Variants in MAML3 observed in about 807,000 individuals in gnomAD.
MAML3 encodes the protein mastermind like transcriptional coactivator 3, also known as mastermind-like protein 3.
In MAML3, 27 loss-of-function variants were observed where a neutral mutation model predicts 101.9. That is an observed-to-expected ratio of 0.27 (90% CI 0.20 to 0.37). The LOEUF is 0.37. Ranked by LOEUF, MAML3 falls within the 10% of genes least tolerant of loss-of-function variation. The probability of loss-of-function intolerance (pLI) is 1.00; values close to 1 mark genes in which losing one functional copy is unlikely to be tolerated. For synonymous variants in MAML3, 501 were observed against 555.9 expected (o/e 0.90, Z 1.39); for missense variants, 1,316 against 1,444.9 (o/e 0.91, Z 1.45).
chr4:139,770,518 A>G (rs540517117), intron 2 of MAML3, among the ~76,000 whole-genome samples: 10 of 152,292 alleles, frequency 6.6e-5, no homozygotes, highest in African/African-American at 2.2e-4. Context: ...GAGTTGGTGG[A>G]TAGGGAGGAG....
chr4:139,727,624 A>G (rs1728528052), intron 3 of MAML3, among the ~76,000 whole-genome samples: 1 of 152,212 alleles, frequency 6.6e-6, no homozygotes, highest in Non-Finnish European at 1.5e-5. Flanking sequence ...GAATGTTTCT[A>G]AGTTCTGTCT....
At position 139,719,551 on chromosome 4, in the gene MAML3, C is replaced by T; in HGVS notation, c.3189G>A (p.Gln1063=). Residue 1063 remains glutamine, a synonymous_variant, in exon 5 of 5, where the codon CAG becomes CAA. Transcript: ENST00000509479. ...TGGGTATCTGCTGCTGTGCTGGGGGCTGGCTGAACGCTGGCATGCCTGGGA... is the reference window on the plus strand; with the variant it reads ...TGGGTATCTGCTGCTGTGCTGGGGGTTGGCTGAACGCTGGCATGCCTGGGA... ...QGVPGMPAFS[Q]PPAQQQIPSG... is the part of the protein sequence containing the mutation. 1 of 1,613,748 alleles carries T rather than the reference C, an allele frequency of 6.2e-7. No individual in the cohort carries two copies. The highest frequency in any genetic ancestry group is 1.1e-5 in the South Asian group (1 of 91,050).
At chr4:139,918,492 G>A (rs1181578726) in intron 1 of MAML3, among the ~76,000 whole-genome samples, 1 of 152,178 alleles carries the variant, frequency 6.6e-6, no homozygotes, top group Non-Finnish European at 1.5e-5. Flanking sequence ...TCCCCAGAAA[G>A]GCTGTTCTGA....
At chr4:139,805,148 C>T (rs1175321142) in intron 2 of MAML3, among the ~76,000 whole-genome samples, 1 of 152,158 alleles carries the variant, frequency 6.6e-6, no homozygotes, top group Non-Finnish European at 1.5e-5. Context: ...GTAGTCATTG[C>T]TCCCCAGCCT....
intron 1 of MAML3, among the ~76,000 whole-genome samples, chr4:140,053,201 T>C (rs1201426911): frequency 6.6e-6 from 1 of 151,976 alleles, no homozygotes; most frequent in Non-Finnish European, 1.5e-5. Flanking sequence ...GGATAGGCTG[T>C]TTGGAAACTT....
At chr4:139,840,990 A>C (rs1045000247) in intron 2 of MAML3, among the ~76,000 whole-genome samples, 1 of 152,222 alleles carries the variant, frequency 6.6e-6, no homozygotes, top group African/African-American at 2.4e-5. Context: ...GGTCACAGTG[A>C]TTGCAAAATG....
chr4:139,879,663 A>G (rs1732181585), intron 2 of MAML3, among the ~76,000 whole-genome samples: 1 of 151,742 alleles, frequency 6.6e-6, no homozygotes, highest in African/African-American at 2.4e-5. Flanking sequence ...GTTCATTAAA[A>G]TGCACATTCC....
At position 139,733,599 on chromosome 4, in the gene MAML3, G is replaced by A. The variant is rs74510653; in HGVS notation, c.2080-2932C>T. Among the ~76,000 whole-genome samples the A allele has an allele frequency of 9.1e-4, 136 of 149,802 alleles. 1 individual carries two copies. In the East Asian group the frequency reaches 0.024, roughly 27 times the overall value. Reference sequence around the variant, plus strand: ...AACCCTCCCAAAGGGATAGGATTATGTATTTCCCCAAATAATTCCCTCCCA... The same window carrying A: ...AACCCTCCCAAAGGGATAGGATTATATATTTCCCCAAATAATTCCCTCCCA... On this transcript the variant is annotated intron_variant, in intron 2 of 4. Transcript: ENST00000509479.
chr4:140,019,406 C>T (rs1726697850), intron 1 of MAML3, among the ~76,000 whole-genome samples: 1 of 152,182 alleles, frequency 6.6e-6, no homozygotes, highest in South Asian at 2.1e-4. Flanking sequence ...GTTTTGTTCA[C>T]TATTTATCCC....
At chr4:139,994,488 G>T in intron 1 of MAML3, among the ~76,000 whole-genome samples, 1 of 152,116 alleles carries the variant, frequency 6.6e-6, no homozygotes, top group Middle Eastern at 3.2e-3. Flanking sequence ...AACATAGCAA[G>T]ACTCCATCTC....
At chr4:140,092,076 GTATATATATACGTATA>G (rs1200802256) in intron 1 of MAML3, among the ~76,000 whole-genome samples, 967 of 64,032 alleles carry the variant, frequency 0.015, 11 homozygotes, top group Non-Finnish European at 0.033. Flanking sequence ...ATATATATAC[GTATATATATACGTATA>G]TATATATATA....
intron 2 of MAML3, among the ~76,000 whole-genome samples, chr4:139,885,667 T>C (rs1323942299): frequency 6.6e-6 from 1 of 150,556 alleles, no homozygotes; most frequent in Non-Finnish European, 1.5e-5. Context: ...CTCACACCTG[T>C]AATCCCAGTA....
chr4:139,954,552 C>A (rs2110763967), intron 1 of MAML3, among the ~76,000 whole-genome samples: 1 of 152,274 alleles, frequency 6.6e-6, no homozygotes, highest in African/African-American at 2.4e-5. Flanking sequence ...AAGGGAAGCC[C>A]TGCATTAAGG....
chr4:139,844,883 T>G (rs748455453), intron 2 of MAML3, among the ~76,000 whole-genome samples: 17 of 152,172 alleles, frequency 1.1e-4, no homozygotes, highest in Non-Finnish European at 2.2e-4. Context: ...AGCCTGCCAT[T>G]TGTTTAGTCC....
chr4:139,837,516 C>T (rs1425442303), intron 2 of MAML3, among the ~76,000 whole-genome samples: 3 of 151,598 alleles, frequency 2.0e-5, no homozygotes, highest in Non-Finnish European at 4.4e-5. Flanking sequence ...AACAAACAAA[C>T]ACACAAACAA....
intron 2 of MAML3, among the ~76,000 whole-genome samples, chr4:139,816,495 A>C (rs795994): frequency 1.3e-5 from 2 of 151,990 alleles, no homozygotes; most frequent in Admixed American, 6.6e-5. Context: ...TATAAGGCTT[A>C]CTGTGATTCC....
intron 1 of MAML3, among the ~76,000 whole-genome samples, chr4:140,037,240 T>TG (rs1232395768): frequency 2.3e-5 from 2 of 88,724 alleles, no homozygotes; most frequent in South Asian, 4.8e-4. Flanking sequence ...ACCCTCTGCT[T>TG]GAAAAAAAAA....
At position 139,755,683 on chromosome 4, in the gene MAML3, T is replaced by C. The variant is rs548480435; in HGVS notation, c.2080-25016A>G. On this transcript the variant is annotated intron_variant, in intron 2 of 4. Coordinates refer to ENST00000509479, the MANE Select transcript of MAML3 (RefSeq NM_018717.5). ...GAAAGAGAAAGAGTGAGCTTTTGCA[T>C]GTCAGTATTAAGTAAACATTGACAC... 2.0e-4 allele frequency among the ~76,000 whole-genome samples: 30 copies of C among 152,306 alleles called. 1 individual carries two copies. The South Asian group carries it at 6.0e-3, about 31-fold the overall frequency.
At chr4:139,832,714 A>G (rs1416471633) in intron 2 of MAML3, among the ~76,000 whole-genome samples, 3 of 152,238 alleles carry the variant, frequency 2.0e-5, no homozygotes, top group Admixed American at 2.0e-4. Context: ...ACTTAAAAAA[A>G]ATTTTTTTAA....
Sources: allele counts gnomAD v4.1 joint callset (sites outside exome capture counted in the v4.1 genomes callset), GRCh38; gene constraint gnomAD v4.1.1; transcripts MANE v1.5; gene names NCBI Gene and HGNC (gene_info 2026-07-23, HGNC 2026-07-21).